The following DNM3 variants were observed in gnomAD, a reference collection of about 807,000 sequenced individuals.
DNM3 encodes dynamin 3.
A neutral mutation model predicts 101.6 loss-of-function variants in DNM3; 47 were observed. That is an observed-to-expected ratio of 0.46 (90% CI 0.37 to 0.59). DNM3 has a LOEUF of 0.59. DNM3 is among the 20% of genes least tolerant of loss of function. DNM3 has a pLI of 0.00. For missense variants in DNM3, 849 were observed against 1,085.7 expected (o/e 0.78, Z 3.06); for synonymous variants, 385 against 387.9 (o/e 0.99, Z 0.09).
intron 14 of DNM3, among the ~76,000 whole-genome samples, chr1:172,194,635 G>A (rs965929103): frequency 9.2e-5 from 14 of 151,882 alleles, no homozygotes; most frequent in Admixed American, 7.9e-4. Context: ...TGTCTCTTTC[G>A]ATCTTTGTTG....
chr1:172,154,447 A>G (rs2058261467), intron 14 of DNM3, among the ~76,000 whole-genome samples: 2 of 152,102 alleles, frequency 1.3e-5, no homozygotes, highest in Non-Finnish European at 2.9e-5. Flanking sequence ...CTCACGGAGT[A>G]GTTTATTTAG....
intron 14 of DNM3, among the ~76,000 whole-genome samples, chr1:172,136,245 G>T (rs2057221810): frequency 6.6e-6 from 1 of 152,034 alleles, no homozygotes. Context: ...TTTTCATTTT[G>T]TAACAATAAC....
intron 1 of DNM3, among the ~76,000 whole-genome samples, chr1:171,909,795 C>A (rs1049466921): frequency 1.3e-5 from 2 of 152,140 alleles, no homozygotes; most frequent in Non-Finnish European, 2.9e-5. Context: ...ATTAGAGATG[C>A]GTCAGTGGAA....
chr1:172,041,931 A>G, intron 7 of DNM3, 78 bp from the exon 8 acceptor site: 6 of 1,464,246 alleles, frequency 4.1e-6, no homozygotes, highest in Non-Finnish European at 5.4e-6. Flanking sequence ...ATTCTAAGGA[A>G]TAATCATAGG....
At chr1:171,942,897 T>A (rs2041914770) in intron 2 of DNM3, among the ~76,000 whole-genome samples, 1 of 151,992 alleles carries the variant, frequency 6.6e-6, no homozygotes, top group Non-Finnish European at 1.5e-5. Context: ...GGACTGCTTG[T>A]GTTCAGGAGG....
At position 171,871,228 on chromosome 1, in the gene DNM3, C is replaced by T. The variant is rs140572754; in HGVS notation, c.161+29411C>T. Among the ~76,000 whole-genome samples, 3 of 152,278 alleles carry T rather than the reference C, an allele frequency of 2.0e-5. No homozygotes were observed. In the East Asian group the frequency reaches 5.8e-4, roughly 29 times the overall value. On this transcript the variant is annotated intron_variant, in intron 1 of 20. Coordinates refer to ENST00000627582, the MANE Select transcript of DNM3 (RefSeq NM_015569.5). ...ACTCTATACTCAACGCCCAGAGCCC[C>T]AGGATACAGAGGGTGTTATTTTGGC...
At chr1:172,269,400 C>T (rs148614964) in intron 15 of DNM3, among the ~76,000 whole-genome samples, 1 of 152,124 alleles carries the variant, frequency 6.6e-6, no homozygotes, top group Non-Finnish European at 1.5e-5. Context: ...CATAGAACAA[C>T]CCCAGCTGCT....
chr1:172,167,621 A>G (rs538939350), intron 14 of DNM3, among the ~76,000 whole-genome samples: 2 of 152,088 alleles, frequency 1.3e-5, no homozygotes, highest in African/African-American at 2.4e-5. Flanking sequence ...TCTAACTGGT[A>G]TGAGATGGTA....
chr1:171,907,254 G>T (rs2038905690), intron 1 of DNM3, among the ~76,000 whole-genome samples: 1 of 152,210 alleles, frequency 6.6e-6, no homozygotes, highest in Non-Finnish European at 1.5e-5. Context: ...CACTCTGGGA[G>T]GCTGAGGCGG....
At chr1:172,019,514 G>C (rs2047685726) in intron 4 of DNM3, among the ~76,000 whole-genome samples, 1 of 151,222 alleles carries the variant, frequency 6.6e-6, no homozygotes, top group South Asian at 2.1e-4. Context: ...CCTGTGGTTT[G>C]ATATCTGATG....
At chr1:172,250,923 A>T (rs1264274570) in intron 14 of DNM3, among the ~76,000 whole-genome samples, 1 of 152,196 alleles carries the variant, frequency 6.6e-6, no homozygotes, top group Admixed American at 6.6e-5. Context: ...AACAGTAAGA[A>T]AAAACAGGTG....
intron 4 of DNM3, among the ~76,000 whole-genome samples, chr1:172,007,114 G>A (rs1410256919): frequency 1.3e-5 from 2 of 152,000 alleles, no homozygotes; most frequent in African/African-American, 4.8e-5. Flanking sequence ...TAAAGCTGCT[G>A]TAAATATTAA....
intron 1 of DNM3, among the ~76,000 whole-genome samples, chr1:171,903,159 A>AT (rs557240492): frequency 8.9e-4 from 136 of 152,174 alleles, no homozygotes; most frequent in Middle Eastern, 3.4e-3. Context: ...TGTCTCAAAA[A>AT]ATATATATAA....
At chr1:172,256,792 T>G (rs1435832954) in intron 15 of DNM3, among the ~76,000 whole-genome samples, 2 of 152,140 alleles carry the variant, frequency 1.3e-5, no homozygotes, top group East Asian at 3.9e-4. Flanking sequence ...TTTTCTTATA[T>G]ATCTGCATAT....
At chr1:172,062,463 A>T (rs2051316580) in intron 10 of DNM3, among the ~76,000 whole-genome samples, 1 of 152,106 alleles carries the variant, frequency 6.6e-6, no homozygotes, top group African/African-American at 2.4e-5. Flanking sequence ...GCATTTCATA[A>T]ATAACACTAG....
At chr1:172,182,901 G>T (rs2059397325) in intron 14 of DNM3, among the ~76,000 whole-genome samples, 2 of 152,114 alleles carry the variant, frequency 1.3e-5, no homozygotes, top group Admixed American at 1.3e-4. Context: ...TTGAGAGTAA[G>T]TATTGATAAT....
At chr1:172,174,725 A>T (rs1291791845) in intron 14 of DNM3, among the ~76,000 whole-genome samples, 1 of 151,726 alleles carries the variant, frequency 6.6e-6, no homozygotes, top group Non-Finnish European at 1.5e-5. Flanking sequence ...TATGAATGGT[A>T]TGTAGACTGC....
intron 14 of DNM3, among the ~76,000 whole-genome samples, chr1:172,161,544 C>G (rs1390714042): frequency 1.3e-5 from 2 of 151,802 alleles, no homozygotes; most frequent in African/African-American, 4.8e-5. Flanking sequence ...AGACATGACT[C>G]CATTTAATAC....
rs1409688334 is a variant in DNM3 at position 172,048,644 on chromosome 1, A to T, written c.1229A>T (p.Glu410Val). Residue 410 changes from glutamate to valine, a missense_variant, in exon 10 of 21, where the codon GAA becomes GTA. Physicochemically the swap from Glu to Val is moderately radical, Grantham distance 121. This residue lies in a region of DNM3 where 193 missense variants were observed against 238.4 expected (regional missense o/e 0.81). Coordinates refer to ENST00000627582, the MANE Select transcript of DNM3 (RefSeq NM_015569.5). The part of the protein sequence containing the change: ...TGLFTPDMAF[E>V]AIVKKQIVKL... The stretch of plus-strand genomic sequence containing the variant: ...TTGTTTACTCCAGACATGGCATTTG[A>T]AGCGATAGTCAAGAAACAGATTGTA... 6.2e-7 allele frequency: 1 copy of T among 1,613,550 alleles called. No homozygotes were observed. The highest frequency in any genetic ancestry group is 1.7e-5 in the Admixed American group (1 of 59,930).
Sources: gnomAD v4.1 joint callset for allele counts (sites outside exome capture counted in the v4.1 genomes callset) on GRCh38, gnomAD v4.1.1 for gene constraint, gnomAD v4.1.1 regional missense constraint, MANE v1.5 for transcripts, NCBI Gene and HGNC (gene_info 2026-07-23, HGNC 2026-07-21) for gene names.